CEP128: variants seen among roughly 807,000 people sequenced by gnomAD.
CEP128 encodes the protein centrosomal protein 128kDa.
CEP128 carries 132 observed loss-of-function variants against 156.7 expected under a neutral mutation model. The observed-to-expected ratio is 0.84, with a 90% confidence interval of 0.73 to 0.97. CEP128 has a LOEUF of 0.97. Ranked by LOEUF, CEP128 falls within the 50% of genes least tolerant of loss-of-function variation. The pLI, the probability that CEP128 is intolerant of heterozygous loss-of-function variation, is 0.00. For synonymous variants in CEP128, 469 were observed against 448.9 expected, an observed-to-expected ratio of 1.04 and a Z score of -0.57; for missense variants, 1,252 against 1,281.9, an observed-to-expected ratio of 0.98 and a Z score of 0.36.
At chr14:80,758,149 T>C (rs759717643) in intron 17 of CEP128, among the ~76,000 whole-genome samples, 1 of 152,236 alleles carries the variant, frequency 6.6e-6, no homozygotes, top group Non-Finnish European at 1.5e-5. Context: ...AAGTATAAGA[T>C]AATTGGGTAT....
intron 19 of CEP128, among the ~76,000 whole-genome samples, chr14:80,706,529 T>C (rs1897245396): frequency 6.6e-6 from 1 of 152,100 alleles, no homozygotes; most frequent in South Asian, 2.1e-4. Context: ...GTCATTCAAA[T>C]TGCTGTTGCC....
intron 14 of CEP128, among the ~76,000 whole-genome samples, chr14:80,480,451 C>G (rs1223621624): frequency 2.6e-5 from 4 of 152,078 alleles, no homozygotes; most frequent in Non-Finnish European, 5.9e-5. Flanking sequence ...TGGCCCCTTT[C>G]AGCCATGGCT....
At chr14:80,788,004 T>C (rs1901502096) in intron 14 of CEP128, among the ~76,000 whole-genome samples, 2 of 152,084 alleles carry the variant, frequency 1.3e-5, no homozygotes, top group Admixed American at 1.3e-4. Context: ...CTGACAAGGG[T>C]GACAGCCAGA....
chr14:80,646,203 G>C (rs554812914), intron 19 of CEP128, among the ~76,000 whole-genome samples: 46 of 152,184 alleles, frequency 3.0e-4, no homozygotes, highest in African/African-American at 1.1e-3. Context: ...TATGAACTTT[G>C]GATGATGTGT....
intron 24 of CEP128, among the ~76,000 whole-genome samples, chr14:80,504,563 G>T (rs1196591886): frequency 6.6e-6 from 1 of 152,124 alleles, no homozygotes; most frequent in African/African-American, 2.4e-5. Flanking sequence ...TATATGCAAA[G>T]AACTTCAATT....
At chr14:80,487,068 GAC>G, downstream of CEP128, among the ~76,000 whole-genome samples, 1 of 152,134 alleles carries the variant, frequency 6.6e-6, no homozygotes, top group East Asian at 1.9e-4. Flanking sequence ...CCAATTAAAA[GAC>G]ACAAACTGGC....
chr14:80,679,199 T>C (rs553975853), intron 19 of CEP128, among the ~76,000 whole-genome samples: 51 of 152,270 alleles, frequency 3.3e-4, no homozygotes, highest in African/African-American at 1.2e-3. Context: ...ATGAAATCAG[T>C]GCACCTTGAA....
In CEP128 at chr14:80,907,330, T is replaced by A. The variant is rs572572646; in HGVS notation, c.235-1249A>T. On this transcript the variant is annotated intron_variant, in intron 4 of 24. Coordinates refer to ENST00000555265, the MANE Select transcript of CEP128 (RefSeq NM_152446.5). ...TCTCCTCCTTACCTAAACTGGGATA[T>A]GTACAATACCATCCTGCCTTGAGTA... Among the ~76,000 whole-genome samples, 6 of 152,066 alleles carry A rather than the reference T, an allele frequency of 3.9e-5. No individual in the cohort carries two copies. In the South Asian group the frequency reaches 1.2e-3, roughly 32 times the overall value.
intron 9 of CEP128, among the ~76,000 whole-genome samples, chr14:80,857,242 T>TG (rs1887231008): frequency 6.6e-6 from 1 of 151,472 alleles, no homozygotes; most frequent in Non-Finnish European, 1.5e-5. Flanking sequence ...CAGTTTTTTT[T>TG]TTGTTGTGTG....
chr14:80,576,235 CT>C (rs1234103562), intron 20 of CEP128, among the ~76,000 whole-genome samples: 4 of 152,066 alleles, frequency 2.6e-5, no homozygotes, highest in South Asian at 2.1e-4. Context: ...AATGGATTAC[CT>C]TGTGTGTCTA....
At chr14:80,617,219 C>CTT (rs3069115) in intron 19 of CEP128, among the ~76,000 whole-genome samples, 1,480 of 60,120 alleles carry the variant, frequency 0.025, 468 homozygotes, top group African/African-American at 0.049. Context: ...TGAATATCAT[C>CTT]TTTTTTTTTT....
intron 19 of CEP128, among the ~76,000 whole-genome samples, chr14:80,726,542 G>A (rs1566879479): frequency 6.6e-6 from 1 of 152,180 alleles, no homozygotes; most frequent in Non-Finnish European, 1.5e-5. Context: ...AAAGCAGAGA[G>A]TGTCCTCTTT....
chr14:80,824,270 C>T (rs916762707), intron 13 of CEP128, among the ~76,000 whole-genome samples: 1 of 152,200 alleles, frequency 6.6e-6, no homozygotes, highest in Admixed American at 6.5e-5. Context: ...GGAGGGGCTA[C>T]TGCAAAAGTC....
chr14:80,782,407 T>A (rs1257449740), intron 15 of CEP128, among the ~76,000 whole-genome samples: 2 of 152,188 alleles, frequency 1.3e-5, no homozygotes, highest in African/African-American at 4.8e-5. Flanking sequence ...AGCTTTCTCA[T>A]TCCTTTGCCC....
chr14:80,598,706 A>G (rs1892447104), intron 19 of CEP128, among the ~76,000 whole-genome samples: 1 of 152,230 alleles, frequency 6.6e-6, no homozygotes, highest in African/African-American at 2.4e-5. Flanking sequence ...AAATAAGTAT[A>G]CCCAATTTCT....
At chr14:80,936,489 C>T (rs1237785210) in intron 2 of CEP128, among the ~76,000 whole-genome samples, 2 of 152,210 alleles carry the variant, frequency 1.3e-5, no homozygotes, top group Non-Finnish European at 2.9e-5. Context: ...ACCACAAATA[C>T]TCCCATCTCC....
chr14:80,935,422 G>A (rs934870166), intron 2 of CEP128, among the ~76,000 whole-genome samples: 2 of 151,658 alleles, frequency 1.3e-5, no homozygotes, highest in African/African-American at 4.9e-5. Flanking sequence ...GTGGTGCTGA[G>A]CACCTGTAAT....
At chr14:80,944,822 C>CAAAAAAAAAAAAAAAAAAAA (rs55662141), upstream of CEP128, among the ~76,000 whole-genome samples, 15 of 34,658 alleles carry the variant, frequency 4.3e-4, no homozygotes, top group Admixed American at 1.3e-3. Context: ...GAGTCTGTCT[C>CAAAAAAAAAAAAAAAAAAAA]AAAAAAAAAA....
rs1179679864 is a variant in CEP128, at chr14:80,809,740, C to T, written c.1210-16630G>A. Among the ~76,000 whole-genome samples the T allele has an allele frequency of 2.6e-5, 4 of 151,912 alleles. No individual in the cohort carries two copies. The East Asian group carries it at 7.7e-4, about 29-fold the overall frequency. On this transcript the variant is annotated intron_variant, in intron 13 of 24. Transcript: ENST00000555265. ...TGAGGTACAAAAGCAGGGGAAAAAG[C>T]ATAACCAATAATATTATTTTTCATA...
Sources: allele counts gnomAD v4.1 joint callset (sites outside exome capture counted in the v4.1 genomes callset), GRCh38; gene constraint gnomAD v4.1.1; transcripts MANE v1.5; gene names NCBI Gene and HGNC (gene_info 2026-07-23, HGNC 2026-07-21).